Variants in CCHCR1 observed in about 807,000 individuals in gnomAD.
The protein encoded by CCHCR1 is HCR (a-helix coiled-coil rod homologue).
In CCHCR1, 91 loss-of-function variants were observed where a neutral mutation model predicts 114.6. The ratio of observed to expected loss-of-function variants is 0.79; its 90% CI spans 0.67 to 0.94. CCHCR1 has a LOEUF of 0.94. Among genes scored for constraint, CCHCR1 ranks in the 40% least tolerant of loss-of-function variants. The probability of loss-of-function intolerance (pLI) is 0.00; values close to 1 mark genes in which losing one functional copy is unlikely to be tolerated. For missense variants in CCHCR1, 899 were observed against 1,079.9 expected, an observed-to-expected ratio of 0.83 and a Z score of 2.35; for synonymous variants, 379 against 428.5, an observed-to-expected ratio of 0.88 and a Z score of 1.43.
chr6:31,143,432 A>G lies in CCHCR1; in HGVS notation c.2168-19T>C. 2 of 1,611,582 alleles carry G rather than the reference A, an allele frequency of 1.2e-6. No individual in the cohort carries two copies. The highest frequency in any genetic ancestry group is 2.2e-5 in the South Asian group (2 of 91,038). On this transcript the variant is annotated intron_variant, in intron 15 of 17. Transcript: ENST00000396268. The surrounding 1 kb of genome is among the most constrained non-coding windows in gnomAD (Gnocchi z 5.3). ...GAGACCACTACAGAGAGGCCAAGGC[A>G]CAGAGGAGGCAGGTGTGAGTCAGGC...
intron 3 of CCHCR1, chr6:31,156,346 A>G (rs553126646): frequency 4.3e-6 from 1 of 233,818 alleles, no homozygotes; most frequent in African/African-American, 2.3e-5. Context: ...GCCAGCTCCC[A>G]CAGCATGTCC....
At position 31,143,296 on chromosome 6, in the gene CCHCR1, A is replaced by C; in HGVS notation, c.2285T>G (p.Leu762Trp). Reference protein sequence around the residue: ...KEEGQRLARRLQELERDKNLM... With the variant: ...KEEGQRLARRWQELERDKNLM... Reference sequence around the variant, plus strand: ...GTTCTTATCCCTCTCTAGCTCCTGCAAGCGCCGGGCCAGTCGCTGCCCCTC... The same window carrying C: ...GTTCTTATCCCTCTCTAGCTCCTGCCAGCGCCGGGCCAGTCGCTGCCCCTC... The change falls in exon 16 of 18, where the codon TTG becomes TGG. Residue 762 changes from leucine (L) to tryptophan (W), a missense_variant. Transcript: ENST00000396268. This position sits in a 1 kb window ranked among gnomAD's most constrained non-coding sequence, Gnocchi z 5.3. The C allele has an allele frequency of 1.9e-6, 3 of 1,612,800 alleles. No individual in the cohort carries two copies. The highest frequency in any genetic ancestry group is 2.5e-6 in the Non-Finnish European group (3 of 1,180,026).
chr6:31,156,637 G>A (rs1776052402), intron 3 of CCHCR1, 94 bp downstream of exon 3: 3 of 1,070,366 alleles, frequency 2.8e-6, no homozygotes, highest in Admixed American at 4.6e-5. Context: ...AGTACGTTCT[G>A]GAAACTAGGG....
At position 31,150,394 on chromosome 6, in the gene CCHCR1, G is replaced by C; in HGVS notation, c.1212+61C>G. 6.8e-7 allele frequency: 1 copy of C among 1,460,966 alleles called. No homozygotes were observed. Among genetic ancestry groups the C allele is most frequent in the Non-Finnish European group, 9.5e-7 (1 of 1,050,358 alleles). 90.5% of individuals were successfully genotyped at this position (1,460,966 alleles called of 1,614,324 possible). A position where few individuals can be genotyped will look rare whatever the true frequency, so the allele number is the denominator to read the frequency against. On this transcript the variant is annotated intron_variant, in intron 7 of 17. Coordinates refer to ENST00000396268, the MANE Select transcript of CCHCR1 (RefSeq NM_001105564.2). This position sits in a 1 kb window ranked among gnomAD's most constrained non-coding sequence, Gnocchi z 5.3. ...GACCCCTCCTGCCCACAGGGAGGGA[G>C]GCAGGGGACAGTAGATGCAGGATGC...
In CCHCR1 at chr6:31,144,694, G is replaced by C. The variant is rs539737656; in HGVS notation, c.2160C>G (p.Ala720=). 3 of 1,607,626 alleles carry C rather than the reference G, an allele frequency of 1.9e-6. No individual in the cohort carries two copies. The highest frequency in any genetic ancestry group is 2.6e-6 in the Non-Finnish European group (3 of 1,175,180). The change falls in exon 15 of 18, where the codon GCC becomes GCG. Residue 720 remains alanine, a synonymous_variant. Coordinates refer to ENST00000396268, the MANE Select transcript of CCHCR1 (RefSeq NM_001105564.2). The surrounding 1 kb of genome is among the most constrained non-coding windows in gnomAD (Gnocchi z 4.6). ...RRLNEARREH[A]KAVVSLRQIQ... is the part of the protein sequence containing the mutation. ...CACCCTGGCAAGGCTCACCGGCCTT[G>C]GCATGCTCCCTCCGAGCCTCGTTCA...
Position 31,144,946 on chromosome 6 carries a change from G to T in CCHCR1, c.2004C>A (p.Ser668Arg). ...GCCGCAGACTGGCAGCCTCCTCTGT[G>T]CTCTCCTGCTGGCCCTGGCGTGCTA... ...LEVARQGQQE[S>R]TEEAASLRQE... Residue 668 changes from serine (S) to arginine (R), a missense_variant, in exon 14 of 18, where the codon AGC (serine) becomes AGA (arginine). Ser to Arg is a moderately radical substitution (Grantham distance 110, BLOSUM62 -1). Transcript: ENST00000396268. This position sits in a 1 kb window ranked among gnomAD's most constrained non-coding sequence, Gnocchi z 4.6. 1.2e-6 allele frequency: 2 copies of T among 1,611,950 alleles called. No homozygotes were observed. Among genetic ancestry groups the T allele is most frequent in the Non-Finnish European group, 8.5e-7 (1 of 1,179,984 alleles).
Position 31,145,783 on chromosome 6 carries a change from T to A in CCHCR1, c.1606A>T (p.Met536Leu). Residue 536 changes from methionine to leucine, a missense_variant, in exon 11 of 18, where the codon ATG (methionine) becomes TTG (leucine). Coordinates refer to ENST00000396268, the MANE Select transcript of CCHCR1 (RefSeq NM_001105564.2). ...GCGGCAGCCCCTTCCACCTTAGCCA[T>A]GGTGGTCTCGAGCCAGATCTGAGAG... is the stretch of plus-strand genomic sequence containing the variant. ...SSSQIWLETT[M>L]AKVEGAAAQL... 1 of 1,612,674 alleles carries A rather than the reference T, an allele frequency of 6.2e-7. No individual in the cohort carries two copies. The highest frequency in any genetic ancestry group is 8.5e-7 in the Non-Finnish European group (1 of 1,179,626).
At position 31,150,809 on chromosome 6, in the gene CCHCR1, T is replaced by C; in HGVS notation, c.1017A>G (p.Arg339=). ...EAQVTLVENL[R]KYVGEQVPSE... is the part of the protein sequence containing the mutation. ...AAGGCACTTGTTCCCCAACATATTTTCTTAGATTCTCAACCAGGGTCACCT... is the reference window on the plus strand; with the variant it reads ...AAGGCACTTGTTCCCCAACATATTTCCTTAGATTCTCAACCAGGGTCACCT... The change falls in exon 6 of 18, where the codon AGA becomes AGG. Residue 339 remains arginine (R), a synonymous_variant. Coordinates refer to ENST00000396268, the MANE Select transcript of CCHCR1 (RefSeq NM_001105564.2). This position sits in a 1 kb window ranked among gnomAD's most constrained non-coding sequence, Gnocchi z 5.3. 6.2e-7 allele frequency: 1 copy of C among 1,613,082 alleles called. No individual in the cohort carries two copies. The highest frequency in any genetic ancestry group is 8.5e-7 in the Non-Finnish European group (1 of 1,180,034).
At position 31,154,283 on chromosome 6, in the gene CCHCR1, CT is replaced by C. The variant is rs1303902945; in HGVS notation, c.801+212del. ...AGGGCTTCAAGTGGTGGGAGGCCAC[CT>C]GAGTCTTGGGGGAAAAGTGCAACCT... On this transcript the variant is annotated intron_variant, in intron 4 of 17. Coordinates refer to ENST00000396268, the MANE Select transcript of CCHCR1 (RefSeq NM_001105564.2). This position sits in a 1 kb window ranked among gnomAD's most constrained non-coding sequence, Gnocchi z 4.1. Among the ~76,000 whole-genome samples, 1 of 152,174 alleles carries C rather than the reference CT, an allele frequency of 6.6e-6. No individual in the cohort carries two copies. Among genetic ancestry groups the C allele is most frequent in the Non-Finnish European group, 1.5e-5 (1 of 68,040 alleles).
chr6:31,143,033 G>T lies in CCHCR1; in HGVS notation c.2421C>A (p.Ser807Arg). The T allele has an allele frequency of 1.2e-6, 2 of 1,613,068 alleles. No individual in the cohort carries two copies. Among genetic ancestry groups the T allele is most frequent in the Non-Finnish European group, 1.7e-6 (2 of 1,180,022 alleles). The change falls in exon 17 of 18, where the codon AGC (serine) becomes AGA (arginine). Residue 807 changes from serine to arginine, a missense_variant. By Grantham distance (110) the Ser-to-Arg change is moderately radical. Transcript: ENST00000396268. This position sits in a 1 kb window ranked among gnomAD's most constrained non-coding sequence, Gnocchi z 5.3. ...LLDKKKSVVS[S>R]PRPPECSASA... ...ATGCTGAACACTCTGGAGGCCTGGG[G>T]CTGGACACCACAGATTTCTTCTTAT...
At chr6:31,152,281 CA>C (rs9281230) in intron 4 of CCHCR1, among the ~76,000 whole-genome samples, 41,021 of 123,640 alleles carry the variant, frequency 0.33, 6,145 homozygotes, top group East Asian at 0.62. Context: ...GACTCCATCT[CA>C]AAAAAAAAAA....
At position 31,148,604 on chromosome 6, in the gene CCHCR1, A is replaced by G; in HGVS notation, c.1473+14T>C. The stretch of plus-strand genomic sequence containing the variant: ...CCCTTGCCCTCCCCGAGTCTCTAGT[A>G]GGCTGACACCAACCTTGGCACCCAT... On this transcript the variant is annotated intron_variant, in intron 9 of 17. Coordinates refer to ENST00000396268, the MANE Select transcript of CCHCR1 (RefSeq NM_001105564.2). 2.5e-6 allele frequency: 4 copies of G among 1,605,392 alleles called. No homozygotes were observed. Among genetic ancestry groups the G allele is most frequent in the Non-Finnish European group, 3.4e-6 (4 of 1,173,022 alleles).
At chr6:31,147,399 CAAAAAAAAA>C (rs9278998) in intron 10 of CCHCR1, among the ~76,000 whole-genome samples, 45 of 126,976 alleles carry the variant, frequency 3.5e-4, no homozygotes, top group Non-Finnish European at 3.6e-4. Flanking sequence ...GACTCTGTCT[CAAAAAAAAA>C]AAAAAAAAAA....
chr6:31,147,376 G>T (rs1774483039), intron 10 of CCHCR1, among the ~76,000 whole-genome samples: 1 of 144,394 alleles, frequency 6.9e-6, no homozygotes, highest in Non-Finnish European at 1.5e-5. Context: ...CTCCAGCCTG[G>T]GTGACAGTGC....
chr6:31,154,597 C>A lies in CCHCR1; in HGVS notation c.700G>T (p.Gly234Cys), dbSNP rs775729701. The A allele has an allele frequency of 5.6e-5, 91 of 1,612,984 alleles. No homozygotes were observed. The highest frequency in any genetic ancestry group is 7.5e-5 in the Non-Finnish European group (88 of 1,180,056). The stretch of plus-strand genomic sequence containing the variant: ...GCCCCAGCCAAAGCAGCACGCAGGC[C>A]CTCAGCCTCAGCTCGGCCGGCCTTC... ...AEKAGRAEAE[G>C]LRAALAGAEV... is the part of the protein sequence containing the mutation. Residue 234 changes from glycine to cysteine, a missense_variant, in exon 4 of 18, where the codon GGC becomes TGC. Gly to Cys is a radical substitution (Grantham distance 159). Coordinates refer to ENST00000396268, the MANE Select transcript of CCHCR1 (RefSeq NM_001105564.2). This position sits in a 1 kb window ranked among gnomAD's most constrained non-coding sequence, Gnocchi z 4.1.
Position 31,154,443 on chromosome 6 carries a change from C to T in CCHCR1, c.801+53G>A. 1 of 1,439,878 alleles carries T rather than the reference C, an allele frequency of 6.9e-7. No individual in the cohort carries two copies. Among genetic ancestry groups the T allele is most frequent in the Non-Finnish European group, 9.7e-7 (1 of 1,034,228 alleles). 89.2% of individuals were successfully genotyped at this position (1,439,878 alleles called of 1,614,324 possible). A position where few individuals can be genotyped will look rare whatever the true frequency, so the allele number is the denominator to read the frequency against. On this transcript the variant is annotated intron_variant, in intron 4 of 17. Coordinates refer to ENST00000396268, the MANE Select transcript of CCHCR1 (RefSeq NM_001105564.2). This position sits in a 1 kb window ranked among gnomAD's most constrained non-coding sequence, Gnocchi z 4.1. ...GCAATACCTGTTCTTTGCTTGGAAG[C>T]TACTGCCCAGCTCTCCGTTATGAAT...
In CCHCR1 at chr6:31,150,495, G is replaced by A. The variant is rs754564264; in HGVS notation, c.1172C>T (p.Thr391Ile). The A allele has an allele frequency of 3.7e-6, 6 of 1,612,732 alleles. No individual in the cohort carries two copies. In the South Asian group the frequency reaches 6.6e-5, roughly 18 times the overall value. The change falls in exon 7 of 18, where the codon ACA (threonine) becomes ATA (isoleucine). Residue 391 changes from threonine to isoleucine, a missense_variant. Transcript: ENST00000396268. The surrounding 1 kb of genome is among the most constrained non-coding windows in gnomAD (Gnocchi z 5.3). ...ELLQVRVQSL[T>I]HILALQEEEL... ...CTCCTCCTGCAGGGCGAGGATGTGTGTGAGGCTCTGCACCCGCACCTGCAG... is the reference window on the plus strand; with the variant it reads ...CTCCTCCTGCAGGGCGAGGATGTGTATGAGGCTCTGCACCCGCACCTGCAG...
At position 31,150,058 on chromosome 6, in the gene CCHCR1, G is replaced by A. The variant is rs751163400; in HGVS notation, c.1362+8C>T. 4 of 1,614,036 alleles carry A rather than the reference G, an allele frequency of 2.5e-6. No homozygotes were observed. The highest frequency in any genetic ancestry group is 2.5e-6 in the Non-Finnish European group (3 of 1,179,904). ...AGGGAATACCGGGAGAAAAGAGAGT[G>A]CAGTGACCTGTCCCTTCAGCTGCTT... On this transcript the variant is annotated splice_region_variant and intron_variant, in intron 8 of 17. Transcript: ENST00000396268. This position sits in a 1 kb window ranked among gnomAD's most constrained non-coding sequence, Gnocchi z 5.3.
In CCHCR1 at chr6:31,156,961, A is replaced by G. The variant is rs771932612; in HGVS notation, c.284-17T>C. The G allele has an allele frequency of 8.7e-6, 14 of 1,612,630 alleles. No homozygotes were observed. In the Admixed American group the frequency reaches 2.3e-4, roughly 27 times the overall value. ...CAGTGGAACCTGAAGAATTACAAAA[A>G]CAAAGATGGTCAGTTTCCCAGGCAG... On this transcript the variant is annotated splice_polypyrimidine_tract_variant and intron_variant, in intron 2 of 17. Coordinates refer to ENST00000396268, the MANE Select transcript of CCHCR1 (RefSeq NM_001105564.2).
Sources: allele counts gnomAD v4.1 joint callset (sites outside exome capture counted in the v4.1 genomes callset), GRCh38; gene constraint gnomAD v4.1.1; non-coding constraint Gnocchi (gnomAD v3.1); transcripts MANE v1.5; gene names NCBI Gene and HGNC (gene_info 2026-07-23, HGNC 2026-07-21).